Variants in MTOR observed in about 807,000 individuals in gnomAD.
MTOR encodes mechanistic target of rapamycin kinase.
MTOR carries 70 observed loss-of-function variants against 319.8 expected under a neutral mutation model. The observed-to-expected ratio is 0.22, with a 90% CI of 0.18 to 0.27. MTOR has a LOEUF of 0.27. Ranked by LOEUF, MTOR falls within the 10% of genes least tolerant of loss-of-function variation. The probability of loss-of-function intolerance (pLI) is 1.00; values close to 1 mark genes in which losing one functional copy is unlikely to be tolerated. For synonymous variants in MTOR, 1,183 were observed against 1,211.4 expected (o/e 0.98, Z 0.49); for missense variants, 1,890 against 3,274.4 (o/e 0.58, Z 10.32).
chr1:11,262,421 G>A (rs1246746595), intron 1 of MTOR, 24 bp downstream of exon 1: 2 of 152,474 alleles, frequency 1.3e-5, no homozygotes, highest in Admixed American at 1.3e-4. Context: ...GCCCTAGAGG[G>A]GTCGTGCCAG....
rs1644344142 is a variant in MTOR, at chr1:11,157,133, A to G, written c.4469+19T>C. The G allele has an allele frequency of 6.3e-7, 1 of 1,578,972 alleles. No individual in the cohort carries two copies. The highest frequency in any genetic ancestry group is 1.4e-5 in the African/African-American group (1 of 73,132). ...GAAGTCTCTTGCAGCCACACATGCC[A>G]TCATTCTAGGAAGCTCACCATTCCC... is the stretch of plus-strand genomic sequence containing the variant. On this transcript the variant is annotated intron_variant, in intron 30 of 57. Transcript: ENST00000361445.
intron 19 of MTOR, among the ~76,000 whole-genome samples, chr1:11,225,533 C>T (rs1331378500): frequency 6.6e-6 from 1 of 151,916 alleles, no homozygotes; most frequent in African/African-American, 2.4e-5. Flanking sequence ...GCGATTCTCC[C>T]ACCTCAGCCT....
rs529716594 is a variant in MTOR, at chr1:11,139,464, A to G, written c.4999-29T>C. The G allele has an allele frequency of 1.6e-5, 26 of 1,614,064 alleles. No individual in the cohort carries two copies. The East Asian group carries it at 5.6e-4, about 35-fold the overall frequency. On this transcript the variant is annotated intron_variant, in intron 35 of 57. Transcript: ENST00000361445. ...AAAAATAAGAGAAACTGGGTTATAGACAGAACTGGACAGCCCAGGGACACC... is the reference window on the plus strand; with the variant it reads ...AAAAATAAGAGAAACTGGGTTATAGGCAGAACTGGACAGCCCAGGGACACC...
chr1:11,164,647 G>A (rs150219194), intron 29 of MTOR, among the ~76,000 whole-genome samples: 336 of 152,296 alleles, frequency 2.2e-3, no homozygotes, highest in Non-Finnish European at 4.2e-3. Context: ...CAGGTTCACA[G>A]CCGAATTCTA....
intron 30 of MTOR, among the ~76,000 whole-genome samples, chr1:11,156,122 C>G (rs1430813879): frequency 6.6e-6 from 1 of 152,172 alleles, no homozygotes; most frequent in African/African-American, 2.4e-5. Flanking sequence ...TCCCGAGTAG[C>G]TGGGATCATA....
chr1:11,230,407 A>AAAAC (rs761885637), intron 18 of MTOR, among the ~76,000 whole-genome samples: 5 of 152,182 alleles, frequency 3.3e-5, no homozygotes, highest in South Asian at 2.1e-4. Flanking sequence ...CTCCATCTCA[A>AAAAC]AAACAAACAA....
chr1:11,131,667 T>C (rs1441937047), intron 38 of MTOR: 1 of 152,206 alleles, frequency 6.6e-6, no homozygotes, highest in Non-Finnish European at 1.5e-5. Context: ...AAAGGAATAC[T>C]ACTCTCTCTG....
intron 28 of MTOR, among the ~76,000 whole-genome samples, chr1:11,196,625 C>T (rs749748982): frequency 7.9e-5 from 12 of 151,964 alleles, no homozygotes; most frequent in Non-Finnish European, 1.0e-4. Flanking sequence ...GAGGCCGAGG[C>T]GGGTGGATCA....
At chr1:11,239,914 AAAAAG>A (rs1557469679) in intron 11 of MTOR, among the ~76,000 whole-genome samples, 1 of 151,958 alleles carries the variant, frequency 6.6e-6, no homozygotes, top group East Asian at 1.9e-4. Flanking sequence ...AAAAAAAAAA[AAAAAG>A]AAAGAAAAAA....
chr1:11,248,068 GATTTCTTCC>G lies in MTOR; in HGVS notation c.858_866del (p.Met286_Glu288del). ...TGTCGTGTACCAGCTGCTGCTGTGT[GATTTCTTCC>G]ATTTCTTCTCTCAGACGCTATATAT... On this transcript the variant is annotated inframe_deletion, in exon 7 of 58. Coordinates refer to ENST00000361445, the MANE Select transcript of MTOR (RefSeq NM_004958.4). 1 of 1,609,850 alleles carries G rather than the reference GATTTCTTCC, an allele frequency of 6.2e-7. No individual in the cohort carries two copies. Among genetic ancestry groups the G allele is most frequent in the Non-Finnish European group, 8.5e-7 (1 of 1,177,158 alleles).
rs1553172104 is a variant in MTOR at position 11,119,573 on chromosome 1, G to GGAAAA, written c.6933+1672_6933+1673insTTTTC. On this transcript the variant is annotated intron_variant, in intron 49 of 57. Transcript: ENST00000361445. The stretch of plus-strand genomic sequence containing the variant: ...GTGACAGACTGAGATTCCGTCTCGA[G>GGAAAA]AAAAAAAAAAAAAAAAAAAAAAAAA... 2.2e-3 allele frequency among the ~76,000 whole-genome samples: 55 copies of GGAAAA among 24,874 alleles called. 4 individuals are homozygous for GGAAAA. The highest frequency in any genetic ancestry group is 0.016 in the Admixed American group (34 of 2,156). 16.3% of individuals were successfully genotyped at this position (24,874 alleles called of 152,430 possible).
intron 28 of MTOR, chr1:11,195,841 GA>G (rs1645765485): frequency 1.3e-5 from 2 of 152,350 alleles, no homozygotes; most frequent in East Asian, 3.8e-4. Flanking sequence ...GGAAATGGTT[GA>G]AAACTGAAGG....
chr1:11,109,968 C>T lies in MTOR; in HGVS notation c.7367-239G>A, dbSNP rs1000347093. 7.2e-6 allele frequency among the ~76,000 whole-genome samples: 1 copy of T among 138,588 alleles called. No individual in the cohort carries two copies. The highest frequency in any genetic ancestry group is 1.5e-5 in the Non-Finnish European group (1 of 65,142). 90.9% of individuals were successfully genotyped at this position (138,588 alleles called of 152,430 possible). On this transcript the variant is annotated intron_variant, in intron 54 of 57. Coordinates refer to ENST00000361445, the MANE Select transcript of MTOR (RefSeq NM_004958.4). This position sits in a 1 kb window ranked among gnomAD's most constrained non-coding sequence, Gnocchi z 4.0. Reference sequence around the variant, plus strand: ...GAAGGATCACTTGAGTAGCTGAGTTCAAGACCAGCCTGAGACTCCATTTGC... The same window carrying T: ...GAAGGATCACTTGAGTAGCTGAGTTTAAGACCAGCCTGAGACTCCATTTGC...
chr1:11,248,239 G>A, intron 6 of MTOR, 145 bp from the exon 7 acceptor site: 2 of 865,564 alleles, frequency 2.3e-6, no homozygotes, highest in Non-Finnish European at 3.5e-6. Flanking sequence ...TCATGTTTAG[G>A]GTTACAATTT....
chr1:11,194,484 C>G (rs771348183), intron 28 of MTOR: 1 of 1,614,170 alleles, frequency 6.2e-7, no homozygotes. Flanking sequence ...ACCTGCGCTA[C>G]GCTGAGTATA....
chr1:11,212,551 C>CA lies in MTOR; in HGVS notation c.3399-78dup. 2.0e-6 allele frequency: 3 copies of CA among 1,517,022 alleles called. No individual in the cohort carries two copies. The highest frequency in any genetic ancestry group is 2.7e-6 in the Non-Finnish European group (3 of 1,118,956). The allele number at this position is 1,517,022 out of a possible 1,614,324, so 94.0% of individuals were successfully genotyped here. ...GAGACGTGACTGAGGGTGAGCTTAA[C>CA]AATCAGCACCAAAGGGATGGGAATG... is the stretch of plus-strand genomic sequence containing the variant. On this transcript the variant is annotated intron_variant, in intron 22 of 57. Coordinates refer to ENST00000361445, the MANE Select transcript of MTOR (RefSeq NM_004958.4). The surrounding 1 kb of genome is among the most constrained non-coding windows in gnomAD (Gnocchi z 4.1).
intron 19 of MTOR, among the ~76,000 whole-genome samples, chr1:11,217,664 C>T (rs1351394246): frequency 6.6e-6 from 1 of 151,214 alleles, no homozygotes; most frequent in Non-Finnish European, 1.5e-5. Context: ...GCCCGCCTTG[C>T]CCTCCCAAAG....
intron 28 of MTOR, chr1:11,193,891 T>C (rs752540477): frequency 1.1e-5 from 12 of 1,098,606 alleles, no homozygotes; most frequent in Non-Finnish European, 1.6e-5. Flanking sequence ...TTCATTGTGA[T>C]GGTTTTCCTG....
intron 37 of MTOR, among the ~76,000 whole-genome samples, chr1:11,134,075 G>A (rs78155219): frequency 2.4e-4 from 37 of 152,112 alleles, no homozygotes; most frequent in African/African-American, 7.5e-4. Context: ...AAAAAAAAGG[G>A]AGGGGCAGCA....
Sources: allele counts gnomAD v4.1 joint callset (sites outside exome capture counted in the v4.1 genomes callset), GRCh38; gene constraint gnomAD v4.1.1; non-coding constraint Gnocchi (gnomAD v3.1); transcripts MANE v1.5; gene names NCBI Gene and HGNC (gene_info 2026-07-23, HGNC 2026-07-21).